Variants in SRGAP2C observed in about 807,000 individuals in gnomAD.
SRGAP2C encodes SLIT-ROBO Rho GTPase-activating protein 2C.
Under a neutral mutation model 25.1 loss-of-function variants are expected in SRGAP2C, and 15 were observed. That is an observed-to-expected ratio of 0.60 (90% confidence interval 0.40 to 0.92). The LOEUF (loss-of-function observed/expected upper bound fraction) is 0.92, where lower values mean the gene tolerates loss of function less well. Among genes scored for constraint, SRGAP2C ranks in the 40% least tolerant of loss-of-function variants. SRGAP2C has a pLI of 0.00. For missense variants in SRGAP2C, 144 were observed against 264.4 expected, an observed-to-expected ratio of 0.54 and a Z score of 3.16; for synonymous variants, 44 against 96.6, an observed-to-expected ratio of 0.46 and a Z score of 3.19.
chr1:121,233,151 T>TC (rs1329480987), intron 2 of SRGAP2C, among the ~76,000 whole-genome samples: 5 of 139,946 alleles, frequency 3.6e-5, no homozygotes, highest in Non-Finnish European at 7.8e-5. Context: ...GGTTCTTTTT[T>TC]TTTTTTTTTT....
chr1:121,342,983 G>T (rs1280876453), intron 4 of SRGAP2C, among the ~76,000 whole-genome samples: 1 of 143,204 alleles, frequency 7.0e-6, no homozygotes, highest in African/African-American at 2.6e-5. Context: ...AATGCAGGAC[G>T]TGTTGACTGA....
chr1:121,319,648 C>T (rs1410184934), intron 3 of SRGAP2C, among the ~76,000 whole-genome samples: 1 of 150,136 alleles, frequency 6.7e-6, no homozygotes, highest in African/African-American at 2.5e-5. Context: ...AGGTTTATCT[C>T]TTTCAGTGCA....
chr1:121,279,556 G>T (rs1163900645), intron 2 of SRGAP2C, among the ~76,000 whole-genome samples: 13 of 151,794 alleles, frequency 8.6e-5, no homozygotes, highest in Admixed American at 1.3e-4. Context: ...TAGTTTTTCT[G>T]CCAGTTGCAT....
In SRGAP2C at chr1:121,390,751, A is replaced by C. The variant is rs1660051391; in HGVS notation, c.*2896A>C. 6.7e-6 allele frequency: 1 copy of C among 149,064 alleles called. No homozygotes were observed. The highest frequency in any genetic ancestry group is 2.1e-4 in the South Asian group (1 of 4,670). The allele number at this position is 149,064 out of a possible 1,614,324, so 9.2% of individuals were successfully genotyped here. A position where few individuals can be genotyped will look rare whatever the true frequency, so the allele number is the denominator to read the frequency against. On this transcript the variant is annotated 3_prime_UTR_variant, in exon 10 of 10. Transcript: ENST00000367123. The stretch of plus-strand genomic sequence containing the variant: ...AACCTTCTCATTTGAAAAATTAAAA[A>C]ATAAATAGGCCAGATATGGCGGCTC...
rs1290898079 is a variant in SRGAP2C, at chr1:121,285,166, A to G, written c.260+171A>G. Among the ~76,000 whole-genome samples, 118 of 148,740 alleles carry G rather than the reference A, an allele frequency of 7.9e-4. 3 individuals carry two copies. Among genetic ancestry groups the G allele is most frequent in the African/African-American group, 2.5e-3 (100 of 40,486 alleles). On this transcript the variant is annotated intron_variant, in intron 3 of 9. Transcript: ENST00000367123. ...CCAGATCAGTCTTATGTGCAATTCAACATTTCATAGAGATGAGAGTAGATG... is the reference window on the plus strand; with the variant it reads ...CCAGATCAGTCTTATGTGCAATTCAGCATTTCATAGAGATGAGAGTAGATG...
intron 2 of SRGAP2C, among the ~76,000 whole-genome samples, 174 bp downstream of exon 2, chr1:121,187,687 G>A (rs587671597): frequency 6.8e-6 from 1 of 146,094 alleles, no homozygotes; most frequent in African/African-American, 2.5e-5. Context: ...CAATGCCAGG[G>A]GGCCATTGAC....
intron 7 of SRGAP2C, among the ~76,000 whole-genome samples, chr1:121,381,674 CT>C (rs1228667722): frequency 6.9e-6 from 1 of 143,924 alleles, no homozygotes; most frequent in Non-Finnish European, 1.5e-5. Flanking sequence ...CAGAAGAATT[CT>C]TTCTTCAAAC....
intron 2 of SRGAP2C, among the ~76,000 whole-genome samples, chr1:121,268,190 T>A (rs879956199): frequency 2.0e-5 from 3 of 150,748 alleles, no homozygotes; most frequent in Non-Finnish European, 4.4e-5. Flanking sequence ...ATAGAGAGTG[T>A]CGGGGCACTT....
intron 2 of SRGAP2C, among the ~76,000 whole-genome samples, chr1:121,268,377 G>A (rs1167076223): frequency 6.6e-4 from 100 of 151,904 alleles, no homozygotes; most frequent in Non-Finnish European, 1.0e-3. Flanking sequence ...CTGGGGGCCA[G>A]TGAGTAAGGG....
intron 5 of SRGAP2C, among the ~76,000 whole-genome samples, chr1:121,369,586 A>C (rs1236252757): frequency 1.3e-5 from 2 of 151,040 alleles, no homozygotes; most frequent in Non-Finnish European, 3.0e-5. Flanking sequence ...TGTTCCCTTG[A>C]AACAATGGCA....
chr1:121,372,935 A>G (rs1659537168), intron 5 of SRGAP2C, among the ~76,000 whole-genome samples: 1 of 96,534 alleles, frequency 1.0e-5, no homozygotes, highest in African/African-American at 3.9e-5. Context: ...TCTACTCTCT[A>G]ATTATCCCTC....
chr1:121,204,793 TG>T (rs1317963964), intron 2 of SRGAP2C, among the ~76,000 whole-genome samples: 1 of 133,888 alleles, frequency 7.5e-6, no homozygotes, highest in Non-Finnish European at 1.6e-5. Context: ...CCCAGCACTT[TG>T]GGAGGCCATG....
At chr1:121,320,884 C>T (rs1215733648) in intron 3 of SRGAP2C, among the ~76,000 whole-genome samples, 1 of 152,068 alleles carries the variant, frequency 6.6e-6, no homozygotes, top group Non-Finnish European at 1.5e-5. Flanking sequence ...TTGATTTTCG[C>T]TACCCAACCA....
chr1:121,250,846 C>T (rs1558094524), intron 2 of SRGAP2C, among the ~76,000 whole-genome samples: 1 of 123,260 alleles, frequency 8.1e-6, no homozygotes, highest in Admixed American at 8.5e-5. Flanking sequence ...GCCAAAGGGG[C>T]TTTCAGAGCA....
chr1:121,385,825 C>A (rs1570840301), intron 8 of SRGAP2C, among the ~76,000 whole-genome samples: 1 of 150,708 alleles, frequency 6.6e-6, no homozygotes, highest in Admixed American at 6.6e-5. Context: ...AGTGGAACAG[C>A]CATTCCTTCA....
intron 6 of SRGAP2C, among the ~76,000 whole-genome samples, 160 bp downstream of exon 6, chr1:121,374,346 G>A (rs1553352398): frequency 6.6e-6 from 1 of 151,334 alleles, no homozygotes; most frequent in East Asian, 2.0e-4. Flanking sequence ...TGCCCTGGCA[G>A]GAATACTAGG....
At chr1:121,213,797 G>T (rs1655326323) in intron 2 of SRGAP2C, among the ~76,000 whole-genome samples, 1 of 78,382 alleles carries the variant, frequency 1.3e-5, no homozygotes, top group Non-Finnish European at 2.5e-5. Context: ...CCAGAGGAAA[G>T]ATTTTGAACC....
chr1:121,355,491 T>C (rs1380887619), intron 4 of SRGAP2C, among the ~76,000 whole-genome samples: 1 of 96,866 alleles, frequency 1.0e-5, no homozygotes, highest in African/African-American at 4.1e-5. Flanking sequence ...CTAACTTTTT[T>C]TTTGTATTTT....
At chr1:121,289,311 G>A (rs1657443769) in intron 3 of SRGAP2C, among the ~76,000 whole-genome samples, 1 of 148,068 alleles carries the variant, frequency 6.8e-6, no homozygotes, top group African/African-American at 2.5e-5. Flanking sequence ...CGGCACTGCT[G>A]GGGGACTCAG....
Sources: allele counts gnomAD v4.1 joint callset (sites outside exome capture counted in the v4.1 genomes callset), GRCh38; gene constraint gnomAD v4.1.1; transcripts MANE v1.5; gene names NCBI Gene and HGNC (gene_info 2026-07-23, HGNC 2026-07-21).